Variants in VLDLR observed in about 807,000 individuals in gnomAD.
VLDLR encodes very low density lipoprotein receptor, also known as very low-density lipoprotein receptor.
VLDLR carries 81 observed loss-of-function variants against 112.7 expected under a neutral mutation model. The observed-to-expected ratio is 0.72, with a 90% CI of 0.60 to 0.86. The LOEUF is 0.86. Ranked by LOEUF, VLDLR falls within the 40% of genes least tolerant of loss-of-function variation. The pLI, the probability that VLDLR is intolerant of heterozygous loss-of-function variation, is 0.00. For synonymous variants in VLDLR, 436 were observed against 384.8 expected, an observed-to-expected ratio of 1.13 and a Z score of -1.56; for missense variants, 1,237 against 1,099.4, an observed-to-expected ratio of 1.13 and a Z score of -1.77.
intron 1 of VLDLR, among the ~76,000 whole-genome samples, chr9:2,625,201 G>T (rs1817036300): frequency 6.6e-6 from 1 of 152,152 alleles, no homozygotes; most frequent in Non-Finnish European, 1.5e-5. Flanking sequence ...GAGGAAAAAA[G>T]TTGTTACAAG....
At chr9:2,646,102 T>G (rs1586653839) in intron 10 of VLDLR, among the ~76,000 whole-genome samples, 1 of 152,106 alleles carries the variant, frequency 6.6e-6, no homozygotes, top group Non-Finnish European at 1.5e-5. Flanking sequence ...ATAGCTTCAC[T>G]TAGAAATTTG....
intron 11 of VLDLR, 59 bp downstream of exon 11, chr9:2,646,611 T>G (rs1818088427): frequency 8.9e-6 from 13 of 1,460,590 alleles, no homozygotes; most frequent in Non-Finnish European, 1.2e-5. Context: ...GTCAGGAGCT[T>G]TCTCATACCT....
Position 2,621,792 on chromosome 9 carries a change from G to C in VLDLR, c.-398G>C. Reference sequence around the variant, plus strand: ...CGGCCCCCTCCCCGCTGCTCACCCCGCTCTCCGGCCGCCGCCGGTGCGGGT... The same window carrying C: ...CGGCCCCCTCCCCGCTGCTCACCCCCCTCTCCGGCCGCCGCCGGTGCGGGT... On this transcript the variant is annotated 5_prime_UTR_variant, in exon 1 of 19. Coordinates refer to ENST00000382100, the MANE Select transcript of VLDLR (RefSeq NM_003383.5). 1 of 388,048 alleles carries C rather than the reference G, an allele frequency of 2.6e-6. No homozygotes were observed. Among genetic ancestry groups the C allele is most frequent in the Non-Finnish European group, 4.9e-6 (1 of 206,040 alleles). The allele number at this position is 388,048 out of a possible 1,614,324, so 24.0% of individuals were successfully genotyped here. A position where few individuals can be genotyped will look rare whatever the true frequency, so the allele number is the denominator to read the frequency against.
chr9:2,647,032 G>C (rs1013175247), intron 11 of VLDLR, among the ~76,000 whole-genome samples: 1 of 152,118 alleles, frequency 6.6e-6, no homozygotes, highest in Non-Finnish European at 1.5e-5. Flanking sequence ...ATTTCACTAA[G>C]GGGGTTCTGT....
rs745998932 is a variant in VLDLR at position 2,650,469 on chromosome 9, C to A, written c.2204C>A (p.Ser735Tyr). Residue 735 changes from serine to tyrosine, a missense_variant, in exon 15 of 19, where the codon TCC (serine) becomes TAC (tyrosine). Physicochemically the swap from Ser to Tyr is moderately radical, Grantham distance 144. Coordinates refer to ENST00000382100, the MANE Select transcript of VLDLR (RefSeq NM_003383.5). ...GATCACTCTCCAAAATATACCTGTT[C>A]CTGTCCCAGTGGGTACAATGTAGAG... The part of the protein sequence containing the change: ...INDHSPKYTC[S>Y]CPSGYNVEEN... 6.2e-7 allele frequency: 1 copy of A among 1,614,042 alleles called. No individual in the cohort carries two copies. Among genetic ancestry groups the A allele is most frequent in the Admixed American group, 1.7e-5 (1 of 60,022 alleles).
In VLDLR at chr9:2,651,870, G is replaced by T; in HGVS notation, c.2336-4G>T. On this transcript the variant is annotated splice_polypyrimidine_tract_variant and splice_region_variant and intron_variant, in intron 16 of 18. Coordinates refer to ENST00000382100, the MANE Select transcript of VLDLR (RefSeq NM_003383.5). ...CTAAACTGATTCCTTTTATTCCTCT[G>T]TAGGGATCAATGTGACCACAGCAGT... 1.9e-6 allele frequency: 3 copies of T among 1,614,028 alleles called. No homozygotes were observed. Among genetic ancestry groups the T allele is most frequent in the Non-Finnish European group, 2.5e-6 (3 of 1,179,930 alleles).
Position 2,650,439 on chromosome 9 carries a change from T to C in VLDLR, c.2174T>C (p.Ile725Thr). Residue 725 changes from isoleucine to threonine, a missense_variant, in exon 15 of 19, where the codon ATT (isoleucine) becomes ACT (threonine). Ile to Thr is a moderately conservative substitution (Grantham distance 89). Coordinates refer to ENST00000382100, the MANE Select transcript of VLDLR (RefSeq NM_003383.5). ...TACCTATGCCTGCCAGCACCACAGA[T>C]TAATGATCACTCTCCAAAATATACC... ...CEYLCLPAPQ[I>T]NDHSPKYTCS... The C allele has an allele frequency of 6.2e-7, 1 of 1,614,122 alleles. No individual in the cohort carries two copies. Among genetic ancestry groups the C allele is most frequent in the Non-Finnish European group, 8.5e-7 (1 of 1,180,030 alleles).
Position 2,647,524 on chromosome 9 carries a change from G to C in VLDLR, c.1754G>C (p.Gly585Ala). ...GAACCAGCTAAAATAGAAAAAGCAG[G>C]AATGAATGGATTCGATAGACGTCCA... ...WGEPAKIEKA[G>A]MNGFDRRPLV... The change falls in exon 12 of 19, where the codon GGA becomes GCA. Residue 585 changes from glycine to alanine, a missense_variant. By Grantham distance (60) the Gly-to-Ala change is moderately conservative. Coordinates refer to ENST00000382100, the MANE Select transcript of VLDLR (RefSeq NM_003383.5). 1 of 1,614,152 alleles carries C rather than the reference G, an allele frequency of 6.2e-7. No homozygotes were observed. Among genetic ancestry groups the C allele is most frequent in the Non-Finnish European group, 8.5e-7 (1 of 1,180,004 alleles).
At chr9:2,639,696 T>A (rs987062198) in intron 2 of VLDLR, among the ~76,000 whole-genome samples, 163 bp from the exon 3 acceptor site, 1 of 152,156 alleles carries the variant, frequency 6.6e-6, no homozygotes, top group Non-Finnish European at 1.5e-5. Flanking sequence ...TGAAAAAAAA[T>A]AATAATTTTT....
At chr9:2,623,555 GT>G (rs1816938683) in intron 1 of VLDLR, among the ~76,000 whole-genome samples, 1 of 152,248 alleles carries the variant, frequency 6.6e-6, no homozygotes, top group African/African-American at 2.4e-5. Context: ...AGCGCCTGGG[GT>G]TTTTACGTCT....
chr9:2,641,354 T>A, intron 3 of VLDLR, 23 bp from the exon 4 acceptor site: 1 of 1,613,904 alleles, frequency 6.2e-7, no homozygotes, highest in Non-Finnish European at 8.5e-7. Flanking sequence ...TGAGGCTCTT[T>A]TGAGACTGTA....
At chr9:2,634,516 G>A (rs796847793) in intron 1 of VLDLR, among the ~76,000 whole-genome samples, 10 of 152,334 alleles carry the variant, frequency 6.6e-5, no homozygotes, top group African/African-American at 2.4e-4. Context: ...ATGATAGGAA[G>A]CACCTGAACA....
chr9:2,653,154 G>C (rs554900680), intron 18 of VLDLR, among the ~76,000 whole-genome samples: 26 of 152,232 alleles, frequency 1.7e-4, no homozygotes, highest in Middle Eastern at 3.4e-3. Context: ...TGACAAGTGG[G>C]TCAACTTAAA....
intron 16 of VLDLR, 41 bp from the exon 17 acceptor site, chr9:2,651,833 A>G: frequency 6.2e-7 from 1 of 1,611,458 alleles, no homozygotes; most frequent in East Asian, 2.2e-5. Flanking sequence ...CTAAGTCTGA[A>G]TACAGATCCT....
At position 2,622,080 on chromosome 9, in the gene VLDLR, T is replaced by G; in HGVS notation, c.-110T>G. 6.1e-6 allele frequency: 4 copies of G among 652,968 alleles called. No individual in the cohort carries two copies. The highest frequency in any genetic ancestry group is 8.8e-6 in the Non-Finnish European group (4 of 456,724). 40.4% of individuals were successfully genotyped at this position (652,968 alleles called of 1,614,324 possible). ...CAACTCCTTCCCCTCCTTCTCCCCCTTTCCCCTCCCCGCCCCCACCTTCTT... is the reference window on the plus strand; with the variant it reads ...CAACTCCTTCCCCTCCTTCTCCCCCGTTCCCCTCCCCGCCCCCACCTTCTT... On this transcript the variant is annotated 5_prime_UTR_variant, in exon 1 of 19. Coordinates refer to ENST00000382100, the MANE Select transcript of VLDLR (RefSeq NM_003383.5).
At chr9:2,628,930 G>A (rs1817217595) in intron 1 of VLDLR, among the ~76,000 whole-genome samples, 1 of 152,242 alleles carries the variant, frequency 6.6e-6, no homozygotes, top group African/African-American at 2.4e-5. Context: ...TAGGCCTTAT[G>A]AGGGTGTTAT....
chr9:2,659,165 T>G lies in VLDLR; in HGVS notation c.*5297T>G, dbSNP rs541086991. On this transcript the variant is annotated 3_prime_UTR_variant, in exon 19 of 19. Coordinates refer to ENST00000382100, the MANE Select transcript of VLDLR (RefSeq NM_003383.5). ...TACTTGCTCTTCACAGCAACCCTAA[T>G]AGGTATCTCCATTTTACATAGGTAA... The G allele has an allele frequency of 6.6e-6, 1 of 152,316 alleles. No individual in the cohort carries two copies. The highest frequency in any genetic ancestry group is 1.9e-4 in the East Asian group (1 of 5,188). The allele number at this position is 152,316 out of a possible 1,614,324, so 9.4% of individuals were successfully genotyped here.
intron 4 of VLDLR, among the ~76,000 whole-genome samples, 163 bp from the exon 5 acceptor site, chr9:2,642,997 A>G (rs529541453): frequency 3.3e-5 from 5 of 152,118 alleles, no homozygotes; most frequent in African/African-American, 9.7e-5. Flanking sequence ...TTTTTGTACA[A>G]TGAGACTGTA....
Position 2,622,145 on chromosome 9 carries a change from A to AACG in VLDLR, c.-44_-42dup, listed in dbSNP as rs2130747200. The AACG allele has an allele frequency of 1.5e-6, 2 of 1,373,796 alleles. No individual in the cohort carries two copies. The highest frequency in any genetic ancestry group is 2.8e-5 in the South Asian group (2 of 71,550). The allele number at this position is 1,373,796 out of a possible 1,614,324, so 85.1% of individuals were successfully genotyped here. A position where few individuals can be genotyped will look rare whatever the true frequency, so the allele number is the denominator to read the frequency against. On this transcript the variant is annotated 5_prime_UTR_variant, in exon 1 of 19. Transcript: ENST00000382100. ...GACTGGTAACTTGTCGTGCGGAGCG[A>AACG]ACGGCGGCGGCGGCGGCGGCGGCGG...
Sources: allele counts gnomAD v4.1 joint callset (sites outside exome capture counted in the v4.1 genomes callset), GRCh38; gene constraint gnomAD v4.1.1; transcripts MANE v1.5; gene names NCBI Gene and HGNC (gene_info 2026-07-23, HGNC 2026-07-21).